The following SLC38A1 variants were observed in gnomAD, a reference collection of about 807,000 sequenced individuals.
SLC38A1 encodes the protein solute carrier family 38 member 1.
SLC38A1 carries 18 observed loss-of-function variants against 60.3 expected under a neutral mutation model. The ratio of observed to expected loss-of-function variants is 0.30; its 90% CI spans 0.21 to 0.44. SLC38A1 has a LOEUF of 0.44. SLC38A1 is among the 20% of genes least tolerant of loss of function. The probability of loss-of-function intolerance (pLI) is 1.00; values close to 1 mark genes in which losing one functional copy is unlikely to be tolerated. For synonymous variants in SLC38A1, 196 were observed against 212.1 expected, an observed-to-expected ratio of 0.92 and a Z score of 0.66; for missense variants, 448 against 587.2, an observed-to-expected ratio of 0.76 and a Z score of 2.45.
chr12:46,235,203 C>A (rs1053094724), intron 3 of SLC38A1, among the ~76,000 whole-genome samples: 19 of 152,188 alleles, frequency 1.2e-4, no homozygotes, highest in African/African-American at 4.1e-4. Flanking sequence ...TTATTTAAAA[C>A]CAGAAACAAA....
At chr12:46,220,335 C>G (rs569366766) in intron 5 of SLC38A1, among the ~76,000 whole-genome samples, 17 of 152,306 alleles carry the variant, frequency 1.1e-4, no homozygotes, top group African/African-American at 3.8e-4. Context: ...ATGATTTTTG[C>G]TGCCAGCCAA....
At position 46,183,493 on chromosome 12, in the gene SLC38A1, T is replaced by C. The variant is rs1938836248; in HGVS notation, c.*5477A>G. The C allele has an allele frequency of 6.6e-6, 1 of 152,220 alleles. No individual in the cohort carries two copies. The highest frequency in any genetic ancestry group is 1.5e-5 in the Non-Finnish European group (1 of 68,030). 9.4% of individuals were successfully genotyped at this position (152,220 alleles called of 1,614,324 possible). On this transcript the variant is annotated 3_prime_UTR_variant, in exon 17 of 17. Transcript: ENST00000398637. Reference sequence around the variant, plus strand: ...TTTCTTTCCTTCAAATTTGTGCTCATAATTAATATTCAGGTTCCCTCTCCC... The same window carrying C: ...TTTCTTTCCTTCAAATTTGTGCTCACAATTAATATTCAGGTTCCCTCTCCC...
chr12:46,197,852 G>C (rs1276308061), intron 15 of SLC38A1, 35 bp from the exon 16 acceptor site: 1 of 1,601,628 alleles, frequency 6.2e-7, no homozygotes, highest in Admixed American at 1.7e-5. Flanking sequence ...GTTTAGCATT[G>C]CTATTGTGAA....
intron 2 of SLC38A1, among the ~76,000 whole-genome samples, chr12:46,242,247 C>A (rs1941471116): frequency 1.3e-5 from 2 of 152,026 alleles, no homozygotes; most frequent in Non-Finnish European, 2.9e-5. Context: ...CTAACTTGTT[C>A]TTGAAAATCA....
intron 3 of SLC38A1, chr12:46,239,341 C>A: frequency 2.8e-5 from 3 of 108,582 alleles, no homozygotes; most frequent in Non-Finnish European, 5.8e-5. Context: ...TTTTTTTTTT[C>A]TGAGACAGAG....
intron 3 of SLC38A1, among the ~76,000 whole-genome samples, chr12:46,230,656 C>T (rs1432477739): frequency 6.6e-6 from 1 of 152,120 alleles, no homozygotes; most frequent in Non-Finnish European, 1.5e-5. Flanking sequence ...AAATGATGTA[C>T]AAATATACAG....
rs868446817 is a variant in SLC38A1, at chr12:46,239,666, G to A, written c.122+13C>T. The A allele has an allele frequency of 6.2e-7, 1 of 1,613,196 alleles. No individual in the cohort carries two copies. Among genetic ancestry groups the A allele is most frequent in the South Asian group, 1.1e-5 (1 of 91,044 alleles). The stretch of plus-strand genomic sequence containing the variant: ...CTTTCACTGGATAGAAATGTTAGTG[G>A]AAAAATACTCACCTATTTATCTGAC... On this transcript the variant is annotated intron_variant, in intron 3 of 16. Transcript: ENST00000398637.
chr12:46,237,146 T>C (rs531355915), intron 3 of SLC38A1, among the ~76,000 whole-genome samples: 3 of 152,354 alleles, frequency 2.0e-5, no homozygotes, highest in South Asian at 4.1e-4. Flanking sequence ...TAACACACCA[T>C]CAATGTTTGT....
rs554894735 is a variant in SLC38A1, at chr12:46,242,559, C to G, written c.-94+641G>C. On this transcript the variant is annotated intron_variant, in intron 2 of 16. Coordinates refer to ENST00000398637, the MANE Select transcript of SLC38A1 (RefSeq NM_030674.4). ...TGCCCAGGCAGGCAGATCACTTAAG[C>G]CCAAGAATTTGAGACAACATGGCAA... 1.9e-3 allele frequency among the ~76,000 whole-genome samples: 287 copies of G among 152,008 alleles called. 2 individuals are homozygous for G. The highest frequency in any genetic ancestry group is 6.8e-3 in the African/African-American group (280 of 41,460).
At chr12:46,235,044 C>T (rs1461528964) in intron 3 of SLC38A1, among the ~76,000 whole-genome samples, 1 of 152,192 alleles carries the variant, frequency 6.6e-6, no homozygotes, top group East Asian at 1.9e-4. Context: ...GCCAATTGCT[C>T]TGTGAACAAA....
At position 46,204,416 on chromosome 12, in the gene SLC38A1, A is replaced by G. The variant is rs1270423794; in HGVS notation, c.707T>C (p.Val236Ala). 1.2e-6 allele frequency: 2 copies of G among 1,606,026 alleles called. No homozygotes were observed. The highest frequency in any genetic ancestry group is 1.7e-6 in the Non-Finnish European group (2 of 1,172,884). The part of the protein sequence containing the change: ...LSCMVFFLIV[V>A]IYKKFQIPCI... ...GGGAATTTGAAATTTCTTGTAAATA[A>G]CCTGGTATTAAGAAGTATAGTAGAA... The change falls in exon 11 of 17, where the codon GTT becomes GCT. Residue 236 changes from valine (V) to alanine (A), a missense_variant and splice_region_variant. Transcript: ENST00000398637.
intron 1 of SLC38A1, among the ~76,000 whole-genome samples, chr12:46,263,191 G>A (rs996381775): frequency 1.3e-5 from 2 of 152,124 alleles, no homozygotes; most frequent in Admixed American, 6.5e-5. Flanking sequence ...TATTTTAAAC[G>A]CTCTCCAGAG....
Position 46,203,048 on chromosome 12 carries a change from G to A in SLC38A1, c.864C>T (p.Cys288=), listed in dbSNP as rs1261788150. ...TGTAAATTGGCAGGACTGACGGGTG[G>A]CAAACAAATGCAAATGCAATGGTGG... The part of the protein sequence containing the change: ...ALPTIAFAFV[C]HPSVLPIYSE... The change falls in exon 12 of 17, where the codon TGC becomes TGT. Residue 288 remains cysteine, a synonymous_variant. Coordinates refer to ENST00000398637, the MANE Select transcript of SLC38A1 (RefSeq NM_030674.4). 1 of 1,613,778 alleles carries A rather than the reference G, an allele frequency of 6.2e-7. No individual in the cohort carries two copies.
intron 16 of SLC38A1, chr12:46,196,207 C>T: frequency 6.5e-7 from 1 of 1,536,054 alleles, no homozygotes; most frequent in Non-Finnish European, 8.7e-7. Context: ...AGTGAGAGCG[C>T]TGCAGGGAGA....
At chr12:46,237,591 T>C (rs949150148) in intron 3 of SLC38A1, among the ~76,000 whole-genome samples, 2 of 151,782 alleles carry the variant, frequency 1.3e-5, no homozygotes, top group East Asian at 1.9e-4. Context: ...TTGGAGCCTA[T>C]AGGGAAGTGA....
At chr12:46,237,883 A>G (rs1941313103) in intron 3 of SLC38A1, among the ~76,000 whole-genome samples, 1 of 151,774 alleles carries the variant, frequency 6.6e-6, no homozygotes. Flanking sequence ...GGGACTACTG[A>G]ACTGTCCAGG....
intron 3 of SLC38A1, among the ~76,000 whole-genome samples, chr12:46,231,243 GGGTACACGT>G (rs1941066501): frequency 6.6e-6 from 1 of 152,116 alleles, no homozygotes; most frequent in Non-Finnish European, 1.5e-5. Context: ...GCTAAACAAC[GGGTACACGT>G]GGACATAGAG....
At chr12:46,212,734 C>T (rs775899582) in intron 5 of SLC38A1, among the ~76,000 whole-genome samples, 1 of 152,190 alleles carries the variant, frequency 6.6e-6, no homozygotes, top group Non-Finnish European at 1.5e-5. Context: ...TCCAGCACAG[C>T]ATGTTTACCC....
intron 3 of SLC38A1, among the ~76,000 whole-genome samples, chr12:46,232,208 C>T (rs187756031): frequency 6.1e-4 from 93 of 152,240 alleles, no homozygotes; most frequent in Admixed American, 4.1e-3. Flanking sequence ...GGAAGAAAAA[C>T]CTTGGTCTCT....
Sources: gnomAD v4.1 joint callset for allele counts (sites outside exome capture counted in the v4.1 genomes callset) on GRCh38, gnomAD v4.1.1 for gene constraint, MANE v1.5 for transcripts, NCBI Gene and HGNC (gene_info 2026-07-23, HGNC 2026-07-21) for gene names.